The following ROCK1 variants were observed in gnomAD, a reference collection of about 807,000 sequenced individuals.
The protein encoded by ROCK1 is Rho associated coiled-coil containing protein kinase 1.
In ROCK1, 36 loss-of-function variants were observed where a neutral mutation model predicts 196.8. That is an observed-to-expected ratio of 0.18 (90% confidence interval 0.14 to 0.24). ROCK1 has a LOEUF of 0.24. Ranked by LOEUF, ROCK1 falls within the 10% of genes least tolerant of loss-of-function variation. The pLI is 1.00. For missense variants in ROCK1, 920 were observed against 1,562.0 expected, an observed-to-expected ratio of 0.59 and a Z score of 6.93; for synonymous variants, 443 against 515.9, an observed-to-expected ratio of 0.86 and a Z score of 1.91.
chr18:21,084,777 A>G (rs530499760), intron 1 of ROCK1, among the ~76,000 whole-genome samples: 1 of 152,348 alleles, frequency 6.6e-6, no homozygotes, highest in South Asian at 2.1e-4. Flanking sequence ...GAACCGAAAG[A>G]AGGGATTCGA....
rs369267619 is a variant in ROCK1 at position 21,110,795 on chromosome 18, C to A, written c.93+23G>T. ...AAAGACATGCAAAACCCCAGACAAG[C>A]AAAAGAGAACAGCGCTACTCACCAG... On this transcript the variant is annotated intron_variant, in intron 1 of 32. Coordinates refer to ENST00000399799, the MANE Select transcript of ROCK1 (RefSeq NM_005406.3). 106 of 1,597,964 alleles carry A rather than the reference C, an allele frequency of 6.6e-5. No individual in the cohort carries two copies. The African/African-American group carries it at 1.3e-3, about 19-fold the overall frequency.
chr18:21,067,138 T>C (rs2036341622), intron 2 of ROCK1, among the ~76,000 whole-genome samples: 1 of 152,190 alleles, frequency 6.6e-6, no homozygotes, highest in Admixed American at 6.5e-5. Context: ...ACTAGTATCT[T>C]ATTGTGGCCA....
chr18:20,978,911 ATTGT>A (rs1225506515), intron 22 of ROCK1, among the ~76,000 whole-genome samples: 6 of 152,194 alleles, frequency 3.9e-5, no homozygotes, highest in Admixed American at 3.3e-4. Flanking sequence ...GTTTTCTGTA[ATTGT>A]TTGTTTCAAC....
At chr18:21,087,488 A>G (rs1311139048) in intron 1 of ROCK1, among the ~76,000 whole-genome samples, 1 of 152,212 alleles carries the variant, frequency 6.6e-6, no homozygotes, top group Non-Finnish European at 1.5e-5. Context: ...GAAATGATTT[A>G]CCATGCAAAT....
intron 25 of ROCK1, 56 bp from the exon 26 acceptor site, chr18:20,967,996 A>G: frequency 7.7e-7 from 1 of 1,290,444 alleles, no homozygotes; most frequent in Non-Finnish European, 1.0e-6. Context: ...TTAATACTAA[A>G]ATGTATTTTT....
chr18:21,105,387 T>C (rs2036694770), intron 1 of ROCK1, among the ~76,000 whole-genome samples: 1 of 152,176 alleles, frequency 6.6e-6, no homozygotes, highest in African/African-American at 2.4e-5. Context: ...GATATGCAAT[T>C]GATACTAATA....
chr18:20,991,856 T>A (rs1005493865), intron 17 of ROCK1, among the ~76,000 whole-genome samples: 3 of 152,078 alleles, frequency 2.0e-5, no homozygotes, highest in Non-Finnish European at 2.9e-5. Context: ...CAGGCTATTC[T>A]CAAATTCCTG....
intron 13 of ROCK1, among the ~76,000 whole-genome samples, chr18:21,013,104 T>C (rs1164107793): frequency 6.6e-6 from 1 of 152,252 alleles, no homozygotes; most frequent in Admixed American, 6.5e-5. Flanking sequence ...CATCTCAGCA[T>C]TGGTATTAGT....
chr18:20,963,495 T>C (rs928769554), intron 27 of ROCK1, among the ~76,000 whole-genome samples: 5 of 152,042 alleles, frequency 3.3e-5, no homozygotes, highest in Non-Finnish European at 4.4e-5. Flanking sequence ...GTCAGAAACA[T>C]TCATATATTC....
chr18:21,062,177 G>A (rs2036297189), intron 2 of ROCK1, among the ~76,000 whole-genome samples: 3 of 152,032 alleles, frequency 2.0e-5, no homozygotes, highest in African/African-American at 7.2e-5. Context: ...TCCAATAAAA[G>A]GAACCAGAGC....
chr18:21,017,640 T>C (rs1204750671), intron 12 of ROCK1, among the ~76,000 whole-genome samples: 1 of 152,090 alleles, frequency 6.6e-6, no homozygotes, highest in African/African-American at 2.4e-5. Flanking sequence ...AATAAATGAA[T>C]GTAACTAAAA....
At chr18:21,016,007 G>A (rs2035860043) in intron 12 of ROCK1, among the ~76,000 whole-genome samples, 1 of 150,798 alleles carries the variant, frequency 6.6e-6, no homozygotes, top group Non-Finnish European at 1.5e-5. Flanking sequence ...CAATTATATT[G>A]AAACACAGTA....
At position 21,110,808 on chromosome 18, in the gene ROCK1, C is replaced by A; in HGVS notation, c.93+10G>T. The stretch of plus-strand genomic sequence containing the variant: ...ACCCCAGACAAGCAAAAGAGAACAG[C>A]GCTACTCACCAGCAAACAATCCGAA... On this transcript the variant is annotated intron_variant, in intron 1 of 32. Transcript: ENST00000399799. 3 of 1,609,162 alleles carry A rather than the reference C, an allele frequency of 1.9e-6. No homozygotes were observed. The highest frequency in any genetic ancestry group is 2.6e-6 in the Non-Finnish European group (3 of 1,175,484).
Position 20,960,197 on chromosome 18 carries a change from A to G in ROCK1, c.3362T>C (p.Ile1121Thr). 6.3e-7 allele frequency: 1 copy of G among 1,583,920 alleles called. No homozygotes were observed. The highest frequency in any genetic ancestry group is 8.7e-7 in the Non-Finnish European group (1 of 1,152,824). The part of the protein sequence containing the change: ...ETDGNLPESR[I>T]EGWLSVPNRG... ...ATTTGGTACTGAAAGCCAACCTTCA[A>G]TTCTTGACTCTAGGAGAAAAAGAAT... The change falls in exon 28 of 33, where the codon ATT (isoleucine) becomes ACT (threonine). Residue 1121 changes from isoleucine to threonine, a missense_variant. Physicochemically the swap from Ile to Thr is moderately conservative, Grantham distance 89. Transcript: ENST00000399799.
chr18:20,968,112 A>AATTAACACTGACTTAAT (rs1433053558), intron 25 of ROCK1, among the ~76,000 whole-genome samples, 172 bp from the exon 26 acceptor site: 1 of 152,204 alleles, frequency 6.6e-6, no homozygotes, highest in Non-Finnish European at 1.5e-5. Context: ...ACACTGACTT[A>AATTAACACTGACTTAAT]TCACACTACT....
chr18:20,958,870 ATT>A (rs1491437649), intron 29 of ROCK1, among the ~76,000 whole-genome samples: 2 of 117,868 alleles, frequency 1.7e-5, no homozygotes, highest in African/African-American at 6.8e-5. Flanking sequence ...AAATATATAT[ATT>A]ATATATATAA....
intron 22 of ROCK1, among the ~76,000 whole-genome samples, chr18:20,975,253 G>A (rs2035469071): frequency 6.6e-6 from 1 of 152,196 alleles, no homozygotes. Context: ...AGCATATTCA[G>A]GGAAGGCCTT....
chr18:21,019,774 G>A (rs1286446083), intron 12 of ROCK1, among the ~76,000 whole-genome samples: 1 of 150,644 alleles, frequency 6.6e-6, no homozygotes, highest in Non-Finnish European at 1.5e-5. Context: ...CTCCAGCCTG[G>A]ACGACAGAGC....
intron 9 of ROCK1, among the ~76,000 whole-genome samples, chr18:21,036,216 A>T (rs1178002117): frequency 6.6e-6 from 1 of 152,208 alleles, no homozygotes; most frequent in Non-Finnish European, 1.5e-5. Context: ...CTCCCGTGAG[A>T]ATGTAAAATT....
Sources: gnomAD v4.1 joint callset for allele counts (sites outside exome capture counted in the v4.1 genomes callset) on GRCh38, gnomAD v4.1.1 for gene constraint, MANE v1.5 for transcripts, NCBI Gene and HGNC (gene_info 2026-07-23, HGNC 2026-07-21) for gene names.